The following NEO1 variants were observed in gnomAD, a reference collection of about 807,000 sequenced individuals.
NEO1 encodes the protein neogenin.
NEO1 carries 63 observed loss-of-function variants against 159.7 expected under a neutral mutation model. The ratio of observed to expected loss-of-function variants is 0.39; its 90% CI spans 0.32 to 0.49. The LOEUF (loss-of-function observed/expected upper bound fraction) is 0.49, where lower values mean the gene tolerates loss of function less well. Among genes scored for constraint, NEO1 ranks in the 20% least tolerant of loss-of-function variants. NEO1 has a pLI of 0.85. For synonymous variants in NEO1, 633 were observed against 662.0 expected, an observed-to-expected ratio of 0.96 and a Z score of 0.67; for missense variants, 1,615 against 1,831.0, an observed-to-expected ratio of 0.88 and a Z score of 2.15.
chr15:73,071,937 T>TTTTG (rs35895070), intron 1 of NEO1, among the ~76,000 whole-genome samples: 98,685 of 150,638 alleles, frequency 0.66, 33,233 homozygotes, highest in African/African-American at 0.79. Context: ...TTTAATTTAA[T>TTTTG]TTTGTTTGTT....
chr15:73,055,874 G>A (rs1422836571), intron 1 of NEO1, among the ~76,000 whole-genome samples: 1 of 152,182 alleles, frequency 6.6e-6, no homozygotes, highest in African/African-American at 2.4e-5. Flanking sequence ...TGCCATAGCG[G>A]ATAGTTCTTT....
At chr15:73,262,978 T>C (rs2040694021) in intron 15 of NEO1, among the ~76,000 whole-genome samples, 1 of 152,156 alleles carries the variant, frequency 6.6e-6, no homozygotes, top group Non-Finnish European at 1.5e-5. Flanking sequence ...AGGCAGAATT[T>C]ATCTATAGTG....
intron 5 of NEO1, among the ~76,000 whole-genome samples, chr15:73,138,989 GA>G (rs1273330933): frequency 6.6e-6 from 1 of 151,826 alleles, no homozygotes; most frequent in African/African-American, 2.4e-5. Flanking sequence ...TTTTTAAAAG[GA>G]AAAAAAGAAA....
chr15:73,253,519 G>T, intron 12 of NEO1, 70 bp downstream of exon 12: 1 of 1,046,574 alleles, frequency 9.6e-7, no homozygotes, highest in South Asian at 1.8e-5. Flanking sequence ...CTTATAGAAA[G>T]GGAGATTCTG....
chr15:73,238,414 C>T (rs1046469719), intron 8 of NEO1, among the ~76,000 whole-genome samples: 8 of 150,654 alleles, frequency 5.3e-5, no homozygotes, highest in African/African-American at 2.0e-4. Flanking sequence ...TAGTAACACT[C>T]AGTAAATATT....
chr15:73,063,388 T>C (rs928288801), intron 1 of NEO1, among the ~76,000 whole-genome samples: 2 of 152,042 alleles, frequency 1.3e-5, no homozygotes, highest in African/African-American at 2.4e-5. Flanking sequence ...TAAACTGTTA[T>C]TATTGTCGTT....
chr15:73,159,680 TA>T (rs905778403), intron 5 of NEO1, among the ~76,000 whole-genome samples: 3 of 152,180 alleles, frequency 2.0e-5, no homozygotes, highest in African/African-American at 7.2e-5. Context: ...GGACTGTGGT[TA>T]AAATAGCTTA....
intron 7 of NEO1, among the ~76,000 whole-genome samples, chr15:73,196,523 ATTGT>A (rs1445513710): frequency 2.0e-5 from 3 of 152,188 alleles, no homozygotes. Flanking sequence ...TGCCAGTGAA[ATTGT>A]TTGAATACTC....
chr15:73,189,699 C>A (rs924119338), intron 7 of NEO1, among the ~76,000 whole-genome samples: 5 of 152,198 alleles, frequency 3.3e-5, no homozygotes, highest in Admixed American at 2.6e-4. Flanking sequence ...TTGGAGCGTC[C>A]ACAGTAGGCC....
chr15:73,070,945 G>A (rs1462189403), intron 1 of NEO1, among the ~76,000 whole-genome samples: 1 of 152,182 alleles, frequency 6.6e-6, no homozygotes, highest in African/African-American at 2.4e-5. Context: ...TTAGCCATTG[G>A]CAGCATGCTG....
intron 1 of NEO1, among the ~76,000 whole-genome samples, chr15:73,085,681 A>G (rs62016804): frequency 0.17 from 26,122 of 152,074 alleles, 2,702 homozygotes; most frequent in Non-Finnish European, 0.24. Flanking sequence ...TAGGTATTTT[A>G]GTGATGTCTC....
At chr15:73,151,216 T>A (rs187348218) in intron 5 of NEO1, among the ~76,000 whole-genome samples, 2 of 152,356 alleles carry the variant, frequency 1.3e-5, no homozygotes, top group East Asian at 3.9e-4. Context: ...TTGAATACTT[T>A]ACGATTGCAT....
intron 4 of NEO1, among the ~76,000 whole-genome samples, chr15:73,130,602 A>G (rs1356648422): frequency 6.6e-6 from 1 of 152,124 alleles, no homozygotes; most frequent in Non-Finnish European, 1.5e-5. Flanking sequence ...CACCCTTCCC[A>G]GGTTGTAGTG....
At chr15:73,234,531 G>A (rs2039074013) in intron 7 of NEO1, among the ~76,000 whole-genome samples, 1 of 152,182 alleles carries the variant, frequency 6.6e-6, no homozygotes, top group Non-Finnish European at 1.5e-5. Context: ...TCTGAAAGCT[G>A]TGAATGAGAG....
intron 9 of NEO1, among the ~76,000 whole-genome samples, 173 bp from the exon 10 acceptor site, chr15:73,248,887 A>G (rs532530722): frequency 2.0e-4 from 30 of 152,380 alleles, no homozygotes; most frequent in Non-Finnish European, 3.2e-4. Flanking sequence ...GATTTGAATC[A>G]TAAAAAGGAA....
In NEO1 at chr15:73,273,793, A is replaced by G. The variant is rs976686777; in HGVS notation, c.2966-18A>G. 7 of 1,588,778 alleles carry G rather than the reference A, an allele frequency of 4.4e-6. No homozygotes were observed. The highest frequency in any genetic ancestry group is 6.0e-6 in the Non-Finnish European group (7 of 1,166,894). ...AAGCAGGAGTGAGATTTCTTTTCCC[A>G]TTAATTCCTTTGGACAGGTTACATC... On this transcript the variant is annotated intron_variant, in intron 19 of 28. Coordinates refer to ENST00000261908, the MANE Select transcript of NEO1 (RefSeq NM_002499.4).
intron 4 of NEO1, among the ~76,000 whole-genome samples, chr15:73,134,723 T>C (rs941438664): frequency 1.3e-5 from 2 of 152,112 alleles, no homozygotes; most frequent in African/African-American, 4.8e-5. Flanking sequence ...CTAATTTTTG[T>C]ATTTTTAGTA....
rs187704824 is a variant in NEO1, at chr15:73,070,344, G to T, written c.130+17539G>T. Among the ~76,000 whole-genome samples the T allele has an allele frequency of 7.7e-4, 117 of 152,276 alleles. 1 individual carries two copies. The highest frequency in any genetic ancestry group is 2.7e-3 in the African/African-American group (113 of 41,558). On this transcript the variant is annotated intron_variant, in intron 1 of 28. Transcript: ENST00000261908. ...GGTGTTAGAACATCTGGAAGTAGTG[G>T]TATACTTTGAGAGATATCATGAACT... is the stretch of plus-strand genomic sequence containing the variant.
chr15:73,080,789 G>A (rs2069006090), intron 1 of NEO1, among the ~76,000 whole-genome samples: 1 of 152,112 alleles, frequency 6.6e-6, no homozygotes, highest in African/African-American at 2.4e-5. Context: ...GAAAGAGGCG[G>A]GAGAAGTTGG....
Sources: allele counts gnomAD v4.1 joint callset (sites outside exome capture counted in the v4.1 genomes callset), GRCh38; gene constraint gnomAD v4.1.1; transcripts MANE v1.5; gene names NCBI Gene and HGNC (gene_info 2026-07-23, HGNC 2026-07-21).